The following CPS1 variants were observed in gnomAD, a reference collection of about 807,000 sequenced individuals.
CPS1 encodes the protein carbamoyl-phosphate synthase [ammonia], mitochondrial.
Under a neutral mutation model 174.6 loss-of-function variants are expected in CPS1, and 109 were observed. That is an observed-to-expected ratio of 0.62 (90% CI 0.53 to 0.73). The LOEUF (loss-of-function observed/expected upper bound fraction) is 0.73. CPS1 is among the 30% of genes least tolerant of loss of function. The pLI is 0.00. For missense variants in CPS1, 1,689 were observed against 1,821.9 expected (o/e 0.93, Z 1.33); for synonymous variants, 637 against 632.0 (o/e 1.01, Z -0.12).
intron 4 of CPS1, among the ~76,000 whole-genome samples, chr2:210,578,807 C>T (rs1012028286): frequency 6.6e-6 from 1 of 152,170 alleles, no homozygotes; most frequent in African/African-American, 2.4e-5. Context: ...TTGGGAGACA[C>T]TTCTCTCCCC....
intron 31 of CPS1, among the ~76,000 whole-genome samples, chr2:210,659,855 A>G (rs1372954696): frequency 2.0e-5 from 3 of 152,166 alleles, no homozygotes; most frequent in Non-Finnish European, 4.4e-5. Context: ...TGAGCATCCT[A>G]TGCTTGGTTA....
At chr2:210,651,449 C>G (rs1424531541) in intron 28 of CPS1, among the ~76,000 whole-genome samples, 1 of 152,144 alleles carries the variant, frequency 6.6e-6, no homozygotes, top group East Asian at 1.9e-4. Flanking sequence ...GGGAATCTTT[C>G]CAGTGGGCCA....
chr2:210,480,064 A>T (rs1439008076), intron 1 of CPS1, among the ~76,000 whole-genome samples: 1 of 152,214 alleles, frequency 6.6e-6, no homozygotes. Context: ...CAAAATACAT[A>T]GAAATGTATT....
intron 25 of CPS1, among the ~76,000 whole-genome samples, chr2:210,646,680 T>TA (rs1700385566): frequency 6.6e-6 from 1 of 152,148 alleles, no homozygotes; most frequent in African/African-American, 2.4e-5. Flanking sequence ...TTTATACACT[T>TA]ACGGTATATA....
intron 3 of CPS1, chr2:210,577,080 G>T: frequency 3.2e-6 from 1 of 308,250 alleles, no homozygotes; most frequent in Non-Finnish European, 6.1e-6. Flanking sequence ...TTTTTTCTCT[G>T]CTTTAAGTAT....
At chr2:210,493,312 T>C (rs1694916080) in intron 1 of CPS1, among the ~76,000 whole-genome samples, 1 of 152,172 alleles carries the variant, frequency 6.6e-6, no homozygotes. Flanking sequence ...TGGACGAGAA[T>C]TGAGGGGAGT....
intron 1 of CPS1, among the ~76,000 whole-genome samples, chr2:210,491,582 G>C (rs1331558898): frequency 6.6e-6 from 1 of 151,968 alleles, no homozygotes; most frequent in Non-Finnish European, 1.5e-5. Context: ...CAAAGTGCTG[G>C]GATTAGAGGC....
chr2:210,614,407 A>T (rs985653313), intron 20 of CPS1, among the ~76,000 whole-genome samples: 1 of 151,962 alleles, frequency 6.6e-6, no homozygotes, highest in African/African-American at 2.4e-5. Flanking sequence ...TCCTTTGGGT[A>T]TATACCCAGT....
intron 17 of CPS1, 90 bp downstream of exon 17, chr2:210,605,336 A>G: frequency 7.1e-7 from 1 of 1,407,352 alleles, no homozygotes; most frequent in South Asian, 1.2e-5. Flanking sequence ...TTGCCTTTAA[A>G]TTACTATTTC....
At chr2:210,535,229 A>G (rs1696215275) in intron 1 of CPS1, among the ~76,000 whole-genome samples, 1 of 152,116 alleles carries the variant, frequency 6.6e-6, no homozygotes, top group Non-Finnish European at 1.5e-5. Flanking sequence ...CATGCCTGCC[A>G]TGCTGCTTTG....
intron 1 of CPS1, among the ~76,000 whole-genome samples, chr2:210,561,689 C>T (rs559855898): frequency 2.3e-4 from 35 of 152,048 alleles, no homozygotes; most frequent in African/African-American, 7.0e-4. Flanking sequence ...GACGGAGGCC[C>T]GAAAAAAGCT....
Position 210,602,208 on chromosome 2 carries a change from G to A in CPS1, c.1714G>A (p.Asp572Asn), listed in dbSNP as rs142916171. ...TCCTTGTTCTTGTTGACAGATTGAG[G>A]ATGCACTGAAGGCAGCAGACACCAT... The part of the protein sequence containing the change: ...APSFAVESIE[D>N]ALKAADTIGY... Residue 572 changes from aspartate to asparagine, a missense_variant, in exon 16 of 38, where the codon GAT (aspartate) becomes AAT (asparagine). By Grantham distance (23) the Asp-to-Asn change is conservative. Transcript: ENST00000233072. The A allele has an allele frequency of 5.8e-4, 929 of 1,612,142 alleles. 6 individuals are homozygous for A. Among genetic ancestry groups the A allele is most frequent in the Non-Finnish European group, 1.1e-4 (127 of 1,178,998 alleles).
At chr2:210,629,130 G>A (rs867681938) in intron 21 of CPS1, among the ~76,000 whole-genome samples, 3 of 152,098 alleles carry the variant, frequency 2.0e-5, no homozygotes, top group Non-Finnish European at 2.9e-5. Context: ...ATATTCAGGG[G>A]AAAATCCAGA....
chr2:210,480,500 C>T (rs1365960309), intron 1 of CPS1, among the ~76,000 whole-genome samples: 1 of 152,188 alleles, frequency 6.6e-6, no homozygotes, highest in Non-Finnish European at 1.5e-5. Flanking sequence ...TGTGGTGTTC[C>T]TTTTGCCTCT....
intron 21 of CPS1, among the ~76,000 whole-genome samples, chr2:210,626,446 C>G (rs537791512): frequency 2.0e-4 from 30 of 152,092 alleles, no homozygotes; most frequent in African/African-American, 5.3e-4. Context: ...AAATACATAG[C>G]CCAAGATATA....
At chr2:210,549,642 A>G (rs1696670234) in intron 1 of CPS1, among the ~76,000 whole-genome samples, 1 of 152,072 alleles carries the variant, frequency 6.6e-6, no homozygotes, top group African/African-American at 2.4e-5. Flanking sequence ...AAATAACTCA[A>G]GAATAATGAG....
At chr2:210,673,132 G>A (rs1701370692) in intron 34 of CPS1, 1 of 152,176 alleles carries the variant, frequency 6.6e-6, no homozygotes, top group Non-Finnish European at 1.5e-5. Context: ...GACATTTGCT[G>A]AAGTAACTAG....
intron 1 of CPS1, among the ~76,000 whole-genome samples, chr2:210,534,108 A>G (rs1008166659): frequency 3.3e-5 from 5 of 152,030 alleles, no homozygotes; most frequent in African/African-American, 1.2e-4. Context: ...ATGAGTTAGC[A>G]CTCTGTTGCT....
chr2:210,497,893 C>CATACAT (rs373767668), intron 1 of CPS1, among the ~76,000 whole-genome samples: 8 of 86,942 alleles, frequency 9.2e-5, no homozygotes, highest in East Asian at 3.3e-4. Context: ...TATATACATA[C>CATACAT]ATATATATAT....
Sources: allele counts gnomAD v4.1 joint callset (sites outside exome capture counted in the v4.1 genomes callset), GRCh38; gene constraint gnomAD v4.1.1; transcripts MANE v1.5; gene names NCBI Gene and HGNC (gene_info 2026-07-23, HGNC 2026-07-21).